Variants in SUPT20H observed in about 807,000 individuals in gnomAD.
SUPT20H encodes the protein SPT20 homolog, SAGA complex component, also known as transcription factor SPT20 homolog.
SUPT20H carries 82 observed loss-of-function variants against 122.8 expected under a neutral mutation model. The ratio of observed to expected loss-of-function variants is 0.67; its 90% confidence interval spans 0.56 to 0.80. SUPT20H has a LOEUF of 0.80. Among genes scored for constraint, SUPT20H ranks in the 30% least tolerant of loss-of-function variants. The pLI is 0.00. For missense variants in SUPT20H, 831 were observed against 921.6 expected, an observed-to-expected ratio of 0.90 and a Z score of 1.27; for synonymous variants, 291 against 313.0, an observed-to-expected ratio of 0.93 and a Z score of 0.74.
Position 37,025,368 on chromosome 13 carries a change from G to A in SUPT20H, c.1281C>T (p.Ser427=). Residue 427 remains serine, a synonymous_variant, in exon 17 of 26, where the codon TCC becomes TCT. Coordinates refer to ENST00000350612, the MANE Select transcript of SUPT20H (RefSeq NM_001014286.3). ...CCTGACTCAGACTGGCTGAGCCACT[G>A]GAGCTGTGTGACATCTTGACCGGAC... ...AKCPVKMSHS[S]SGSASLSQVS... 6.2e-7 allele frequency: 1 copy of A among 1,613,980 alleles called. No individual in the cohort carries two copies. Among genetic ancestry groups the A allele is most frequent in the Non-Finnish European group, 8.5e-7 (1 of 1,179,904 alleles).
At chr13:37,033,363 C>G in intron 10 of SUPT20H, 86 bp downstream of exon 10, 1 of 1,513,728 alleles carries the variant, frequency 6.6e-7, no homozygotes. Flanking sequence ...TCGGAGCAAC[C>G]ATACCCTGGA....
In SUPT20H at chr13:37,010,530, CAG is replaced by C. The variant is rs763318557; in HGVS notation, c.2202+20_2202+21del. ...AGCTGAGTATCTTTAAAAATGTAAT[CAG>C]AGTGAAGTTGCTGGATTACTTGTAT... On this transcript the variant is annotated intron_variant, in intron 25 of 25. Coordinates refer to ENST00000350612, the MANE Select transcript of SUPT20H (RefSeq NM_001014286.3). 3.7e-6 allele frequency: 6 copies of C among 1,601,242 alleles called. No homozygotes were observed. Among genetic ancestry groups the C allele is most frequent in the Non-Finnish European group, 5.1e-6 (6 of 1,169,170 alleles).
chr13:37,029,484 A>T (rs1379026077), intron 13 of SUPT20H, among the ~76,000 whole-genome samples: 1 of 152,128 alleles, frequency 6.6e-6, no homozygotes, highest in African/African-American at 2.4e-5. Flanking sequence ...GTGAGCCAAG[A>T]TCCCACCTCC....
At chr13:37,020,086 C>A (rs1270695077) in intron 21 of SUPT20H, among the ~76,000 whole-genome samples, 1 of 152,106 alleles carries the variant, frequency 6.6e-6, no homozygotes, top group East Asian at 1.9e-4. Flanking sequence ...GTAACCATTT[C>A]TAGCTTAGGC....
At chr13:37,047,102 T>C (rs2066623515) in intron 5 of SUPT20H, 1 of 152,612 alleles carries the variant, frequency 6.6e-6, no homozygotes, top group South Asian at 2.1e-4. Flanking sequence ...CCAAGCTCAC[T>C]TTTTATTACT....
chr13:37,040,605 G>C lies in SUPT20H; in HGVS notation c.484C>G (p.Arg162Gly). The change falls in exon 8 of 26, where the codon CGG becomes GGG. Residue 162 changes from arginine (R) to glycine (G), a missense_variant. Transcript: ENST00000350612. Reference sequence around the variant, plus strand: ...ATTGTTGGACGTAAGAGAATGTGCCGACTTTGGTAACCAGGAGATTTCATG... The same window carrying C: ...ATTGTTGGACGTAAGAGAATGTGCCCACTTTGGTAACCAGGAGATTTCATG... Reference protein sequence around the residue: ...SNMKSPGYQSRHILLRPTMQT... With the variant: ...SNMKSPGYQSGHILLRPTMQT... The C allele has an allele frequency of 3.1e-6, 5 of 1,614,038 alleles. No individual in the cohort carries two copies. The highest frequency in any genetic ancestry group is 4.2e-6 in the Non-Finnish European group (5 of 1,179,986).
At chr13:37,021,909 G>A (rs1211107166) in intron 20 of SUPT20H, 102 bp downstream of exon 20, 2 of 1,337,692 alleles carry the variant, frequency 1.5e-6, no homozygotes, top group East Asian at 2.3e-5. Flanking sequence ...TTTTCAGTCT[G>A]AGTAATATGC....
intron 23 of SUPT20H, chr13:37,013,454 C>T (rs1034146761): frequency 6.6e-5 from 10 of 150,828 alleles, no homozygotes; most frequent in South Asian, 2.1e-4. Flanking sequence ...AAACAAAACA[C>T]GGACCTAAGT....
intron 23 of SUPT20H, among the ~76,000 whole-genome samples, chr13:37,015,808 C>A (rs982708133): frequency 6.6e-6 from 1 of 151,988 alleles, no homozygotes; most frequent in African/African-American, 2.4e-5. Context: ...AATGGATAAA[C>A]AAAATATGGT....
At position 37,025,478 on chromosome 13, in the gene SUPT20H, GTTTTAAACACAAA is replaced by G. The variant is rs777168656; in HGVS notation, c.1212-54_1212-42del. The G allele has an allele frequency of 9.6e-6, 13 of 1,357,580 alleles. No homozygotes were observed. The South Asian group carries it at 1.6e-4, about 17-fold the overall frequency. The allele number at this position is 1,357,580 out of a possible 1,614,324, so 84.1% of individuals were successfully genotyped here. On this transcript the variant is annotated intron_variant, in intron 16 of 25. Coordinates refer to ENST00000350612, the MANE Select transcript of SUPT20H (RefSeq NM_001014286.3). Reference sequence around the variant, plus strand: ...AAAACAGGTAAAGATTAGAAAACCTGTTTTAAACACAAATTTATTTTATAGGAAAGAATAATGA... The same window carrying G: ...AAAACAGGTAAAGATTAGAAAACCTGTTTATTTTATAGGAAAGAATAATGA...
intron 10 of SUPT20H, 21 bp downstream of exon 10, chr13:37,033,428 C>T (rs369332375): frequency 6.2e-7 from 1 of 1,606,072 alleles, no homozygotes; most frequent in Non-Finnish European, 8.5e-7. Flanking sequence ...TTTTGGTTCA[C>T]CCTTCCACAA....
At chr13:37,014,584 A>G (rs1366147189) in intron 23 of SUPT20H, among the ~76,000 whole-genome samples, 1 of 152,186 alleles carries the variant, frequency 6.6e-6, no homozygotes, top group Non-Finnish European at 1.5e-5. Context: ...AAAATTCCCA[A>G]GTATTTGGAA....
At position 37,040,398 on chromosome 13, in the gene SUPT20H, A is replaced by G. The variant is rs1447270048; in HGVS notation, c.567+7T>C. On this transcript the variant is annotated splice_region_variant and intron_variant, in intron 9 of 25. Transcript: ENST00000350612. ...CCTGTTTGAGATTAAAAAACAAAAC[A>G]ACTAACCTGGGTCCATTTGTGGTTA... The G allele has an allele frequency of 6.4e-6, 10 of 1,559,064 alleles. No individual in the cohort carries two copies. Among genetic ancestry groups the G allele is most frequent in the Non-Finnish European group, 8.6e-6 (10 of 1,162,088 alleles).
intron 17 of SUPT20H, 150 bp downstream of exon 17, chr13:37,025,170 G>A (rs950919484): frequency 3.0e-6 from 2 of 663,010 alleles, no homozygotes; most frequent in South Asian, 1.5e-5. Context: ...TCGAACTCCC[G>A]ACCTCAGGTG....
intron 17 of SUPT20H, 80 bp from the exon 18 acceptor site, chr13:37,024,522 T>C (rs527940766): frequency 2.1e-6 from 2 of 969,678 alleles, no homozygotes; most frequent in South Asian, 5.6e-5. Context: ...TTTAACTTCA[T>C]AGTTTATTAA....
intron 23 of SUPT20H, 124 bp downstream of exon 23, chr13:37,017,121 T>A: frequency 7.3e-7 from 1 of 1,363,024 alleles, no homozygotes. Context: ...TGATTGCTAC[T>A]ATTGTTAATA....
At chr13:37,049,701 T>C (rs1030463607) in intron 2 of SUPT20H, among the ~76,000 whole-genome samples, 3 of 152,154 alleles carry the variant, frequency 2.0e-5, no homozygotes, top group African/African-American at 2.4e-5. Context: ...ATCGTGCTAT[T>C]GTACTACAGT....
chr13:37,012,536 T>C, intron 23 of SUPT20H: 1 of 310,092 alleles, frequency 3.2e-6, no homozygotes, highest in South Asian at 7.2e-5. Context: ...GCTACCTAGA[T>C]AACGCCTAAG....
intron 2 of SUPT20H, among the ~76,000 whole-genome samples, chr13:37,050,675 T>C (rs2067492942): frequency 6.6e-6 from 1 of 152,130 alleles, no homozygotes; most frequent in Admixed American, 6.6e-5. Context: ...CATACATAAA[T>C]AAAAGCATCA....
Sources: allele counts gnomAD v4.1 joint callset (sites outside exome capture counted in the v4.1 genomes callset), GRCh38; gene constraint gnomAD v4.1.1; transcripts MANE v1.5; gene names NCBI Gene and HGNC (gene_info 2026-07-23, HGNC 2026-07-21).